The following PLXDC2 variants were observed in gnomAD, a reference collection of about 807,000 sequenced individuals.
The protein encoded by PLXDC2 is plexin domain-containing protein 2.
A neutral mutation model predicts 68.9 loss-of-function variants in PLXDC2; 40 were observed. That is an observed-to-expected ratio of 0.58 (90% confidence interval 0.45 to 0.76). The LOEUF (loss-of-function observed/expected upper bound fraction) is 0.76, where lower values mean the gene tolerates loss of function less well. Among genes scored for constraint, PLXDC2 ranks in the 30% least tolerant of loss-of-function variants. The pLI, the probability that PLXDC2 is intolerant of heterozygous loss-of-function variation, is 0.00. For synonymous variants in PLXDC2, 243 were observed against 234.2 expected, an observed-to-expected ratio of 1.04 and a Z score of -0.34; for missense variants, 644 against 661.9, an observed-to-expected ratio of 0.97 and a Z score of 0.30.
intron 9 of PLXDC2, among the ~76,000 whole-genome samples, chr10:20,177,809 T>G (rs903315394): frequency 2.6e-5 from 4 of 152,282 alleles, no homozygotes; most frequent in East Asian, 1.9e-4. Context: ...TATGTATGCA[T>G]TAGCAATATT....
chr10:20,034,231 T>C (rs1463152796), intron 2 of PLXDC2, among the ~76,000 whole-genome samples: 1 of 152,194 alleles, frequency 6.6e-6, no homozygotes, highest in Non-Finnish European at 1.5e-5. Flanking sequence ...ATTACATATA[T>C]ATGATTTCAT....
intron 1 of PLXDC2, among the ~76,000 whole-genome samples, chr10:19,863,860 A>G (rs534502908): frequency 6.6e-6 from 1 of 152,164 alleles, no homozygotes; most frequent in East Asian, 1.9e-4. Flanking sequence ...ATTAGACTTG[A>G]TAAGTGTGTG....
intron 13 of PLXDC2, among the ~76,000 whole-genome samples, chr10:20,258,934 G>A (rs1835776798): frequency 6.6e-6 from 1 of 151,358 alleles, no homozygotes; most frequent in Non-Finnish European, 1.5e-5. Flanking sequence ...CATGAACCCG[G>A]GAGGTGGAGC....
At chr10:20,155,972 C>T (rs928502592) in intron 6 of PLXDC2, among the ~76,000 whole-genome samples, 7 of 152,048 alleles carry the variant, frequency 4.6e-5, no homozygotes, top group East Asian at 1.9e-4. Flanking sequence ...CTCTGCCTCC[C>T]GAGTTCAAAT....
chr10:19,919,140 G>A (rs1420054111), intron 1 of PLXDC2, among the ~76,000 whole-genome samples: 2 of 152,192 alleles, frequency 1.3e-5, no homozygotes, highest in African/African-American at 2.4e-5. Flanking sequence ...TAAATACAGG[G>A]TCTAACTCTG....
intron 13 of PLXDC2, among the ~76,000 whole-genome samples, chr10:20,267,849 T>C (rs1239913073): frequency 6.6e-6 from 1 of 151,834 alleles, no homozygotes; most frequent in Non-Finnish European, 1.5e-5. Context: ...TCTTTTTTTT[T>C]TTTATTTTTG....
At chr10:20,105,490 C>T (rs201874823) in intron 4 of PLXDC2, among the ~76,000 whole-genome samples, 1 of 68,520 alleles carries the variant, frequency 1.5e-5, no homozygotes, top group Non-Finnish European at 2.3e-5. Flanking sequence ...AATATTTGTT[C>T]GTTCTTATTT....
At chr10:19,963,700 G>C (rs1834199402) in intron 1 of PLXDC2, among the ~76,000 whole-genome samples, 1 of 152,096 alleles carries the variant, frequency 6.6e-6, no homozygotes, top group South Asian at 2.1e-4. Context: ...GGTGGGGCGA[G>C]AGGGGAGGGA....
chr10:20,129,148 A>T (rs1666739169), intron 4 of PLXDC2, among the ~76,000 whole-genome samples: 2 of 151,784 alleles, frequency 1.3e-5, no homozygotes, highest in Admixed American at 1.3e-4. Context: ...AACACTTGTT[A>T]TCTTTCATGT....
chr10:19,847,864 C>T (rs1837039548), intron 1 of PLXDC2, among the ~76,000 whole-genome samples: 1 of 152,186 alleles, frequency 6.6e-6, no homozygotes. Context: ...TGGGATTACA[C>T]AATTAGTAAA....
chr10:20,163,418 A>ATATTATATATTCTCTCCCACT (rs1351706903), intron 6 of PLXDC2, among the ~76,000 whole-genome samples: 1 of 150,584 alleles, frequency 6.6e-6, no homozygotes, highest in African/African-American at 2.4e-5. Context: ...GTATTGTATT[A>ATATTATATATTCTCTCCCACT]TATTATATAT....
chr10:19,954,713 T>C (rs1926204), intron 1 of PLXDC2, among the ~76,000 whole-genome samples: 131,864 of 152,212 alleles, frequency 0.87, 57,256 homozygotes, highest in South Asian at 0.95. Context: ...AGATTGCTCA[T>C]ATAGAGAACA....
intron 1 of PLXDC2, among the ~76,000 whole-genome samples, chr10:19,902,083 A>G (rs1838170609): frequency 1.3e-5 from 2 of 152,100 alleles, no homozygotes; most frequent in Non-Finnish European, 2.9e-5. Context: ...GCCTTATATT[A>G]TAGTTTGAAG....
chr10:20,089,758 C>A (rs763583369), intron 4 of PLXDC2, among the ~76,000 whole-genome samples: 1 of 152,066 alleles, frequency 6.6e-6, no homozygotes, highest in Non-Finnish European at 1.5e-5. Context: ...AGTGCATTGA[C>A]AAAACTTTTA....
intron 3 of PLXDC2, among the ~76,000 whole-genome samples, chr10:20,065,557 A>G (rs1047345681): frequency 3.9e-5 from 6 of 152,104 alleles, no homozygotes; most frequent in South Asian, 2.1e-4. Context: ...CTTTATTTCT[A>G]TTATTATTAC....
intron 9 of PLXDC2, among the ~76,000 whole-genome samples, chr10:20,201,858 T>C (rs1834924516): frequency 6.6e-6 from 1 of 152,132 alleles, no homozygotes; most frequent in Non-Finnish European, 1.5e-5. Context: ...TGATTCCGAT[T>C]AATTGAGTAA....
chr10:20,025,968 GTAGA>G (rs1564660889), intron 2 of PLXDC2, among the ~76,000 whole-genome samples: 3 of 151,918 alleles, frequency 2.0e-5, no homozygotes, highest in African/African-American at 4.8e-5. Flanking sequence ...AAAGAACTAC[GTAGA>G]TAAACTCAGG....
intron 4 of PLXDC2, among the ~76,000 whole-genome samples, chr10:20,101,922 C>T (rs529309191): frequency 3.9e-5 from 6 of 152,104 alleles, no homozygotes; most frequent in African/African-American, 7.2e-5. Flanking sequence ...CTCAGCTTCC[C>T]GAGTAGCTGG....
chr10:20,144,992 T>C (rs115755987), intron 5 of PLXDC2, among the ~76,000 whole-genome samples: 2,381 of 152,338 alleles, frequency 0.016, 62 homozygotes, highest in African/African-American at 0.053. Flanking sequence ...CTACTCCAAC[T>C]GAACTCTTAA....
Sources: gnomAD v4.1 joint callset for allele counts (sites outside exome capture counted in the v4.1 genomes callset) on GRCh38, gnomAD v4.1.1 for gene constraint, MANE v1.5 for transcripts, NCBI Gene and HGNC (gene_info 2026-07-23, HGNC 2026-07-21) for gene names.